The following MYH11 variants were observed in gnomAD, a reference collection of about 807,000 sequenced individuals.
MYH11 encodes myosin heavy chain 11.
In MYH11, 80 loss-of-function variants were observed where a neutral mutation model predicts 246.6. The ratio of observed to expected loss-of-function variants is 0.32; its 90% CI spans 0.27 to 0.39. The LOEUF (loss-of-function observed/expected upper bound fraction) is 0.39, where lower values mean the gene tolerates loss of function less well. MYH11 is among the 10% of genes least tolerant of loss of function. The probability of loss-of-function intolerance (pLI) is 1.00; values close to 1 mark genes in which losing one functional copy is unlikely to be tolerated. For missense variants in MYH11, 2,158 were observed against 2,546.8 expected, an observed-to-expected ratio of 0.85 and a Z score of 3.29; for synonymous variants, 1,071 against 1,015.5, an observed-to-expected ratio of 1.05 and a Z score of -1.04.
chr16:15,773,955 G>A (rs763360073), intron 8 of MYH11, among the ~76,000 whole-genome samples: 4 of 151,600 alleles, frequency 2.6e-5, no homozygotes, highest in Non-Finnish European at 5.9e-5. Flanking sequence ...TGCACCATTT[G>A]CTTTTATTAT....
At position 15,741,474 on chromosome 16, in the gene MYH11, G is replaced by C. The variant is rs2041269564; in HGVS notation, c.2848C>G (p.Gln950Glu). The change falls in exon 22 of 41, where the codon CAG becomes GAG. Residue 950 changes from glutamine to glutamate, a missense_variant. Physicochemically the swap from Gln to Glu is conservative, Grantham distance 29 (BLOSUM62 2). Transcript: ENST00000300036. ...CTGTGACACCTTACCAGCATCTGCT[G>C]GGCCATCTTCTTCCTTTCAGCCTGT... Reference protein sequence around the residue: ...QLQAERKKMAQQMLDLEEQLE... With the variant: ...QLQAERKKMAEQMLDLEEQLE... 6.2e-7 allele frequency: 1 copy of C among 1,608,102 alleles called. No individual in the cohort carries two copies. The highest frequency in any genetic ancestry group is 8.5e-7 in the Non-Finnish European group (1 of 1,179,988).
rs34839877 is a variant in MYH11, at chr16:15,718,452, G to A, written c.5172-14C>T. The A allele has an allele frequency of 0.031, 48,345 of 1,547,344 alleles. 1,101 individuals carry two copies. Among genetic ancestry groups the A allele is most frequent in the South Asian group, 0.085 (7,327 of 86,262 alleles). On this transcript the variant is annotated splice_polypyrimidine_tract_variant and intron_variant, in intron 36 of 40. Transcript: ENST00000300036. Reference sequence around the variant, plus strand: ...TGGAGTGCGTTCCTGGGGGAAGGGCGGCCATGGTGGGGGCCTCTACCCTCC... The same window carrying A: ...TGGAGTGCGTTCCTGGGGGAAGGGCAGCCATGGTGGGGGCCTCTACCCTCC...
intron 3 of MYH11, among the ~76,000 whole-genome samples, chr16:15,808,858 G>A (rs9284324): frequency 0.43 from 64,721 of 151,930 alleles, 16,491 homozygotes; most frequent in African/African-American, 0.73. Context: ...GTGCCACTGC[G>A]CTCTAGCTTG....
At chr16:15,746,913 CTT>C (rs1382652529) in intron 19 of MYH11, among the ~76,000 whole-genome samples, 1 of 152,120 alleles carries the variant, frequency 6.6e-6, no homozygotes, top group African/African-American at 2.4e-5. Context: ...CATGGTGAAA[CTT>C]TGTCTCTACT....
At chr16:15,749,963 C>G in intron 16 of MYH11, 175 bp downstream of exon 16, 1 of 770,136 alleles carries the variant, frequency 1.3e-6, no homozygotes, top group East Asian at 2.6e-5. Flanking sequence ...GATGCATCCT[C>G]CCTTCCTCCT....
At chr16:15,717,398 A>G in intron 37 of MYH11, 50 bp from the exon 38 acceptor site, 1 of 1,585,404 alleles carries the variant, frequency 6.3e-7, no homozygotes, top group Non-Finnish European at 8.6e-7. Flanking sequence ...AGCCCAAGAG[A>G]GCGCACTGAG....
intron 2 of MYH11, among the ~76,000 whole-genome samples, chr16:15,826,183 G>C (rs553986336): frequency 2.1e-3 from 312 of 150,634 alleles, no homozygotes; most frequent in African/African-American, 7.3e-3. Context: ...CATTCATTCT[G>C]TACGTCCCAG....
At chr16:15,745,720 T>C (rs551064481) in intron 19 of MYH11, among the ~76,000 whole-genome samples, 129 of 151,912 alleles carry the variant, frequency 8.5e-4, no homozygotes, top group African/African-American at 3.0e-3. Context: ...CCTGAGTAGC[T>C]TGGATTACAG....
At chr16:15,755,431 A>G (rs2041686004) in intron 14 of MYH11, among the ~76,000 whole-genome samples, 1 of 152,180 alleles carries the variant, frequency 6.6e-6, no homozygotes. Context: ...TAGTCACCCC[A>G]TTCCAGTTGG....
At chr16:15,760,319 A>AT (rs2041839153) in intron 11 of MYH11, among the ~76,000 whole-genome samples, 1 of 151,828 alleles carries the variant, frequency 6.6e-6, no homozygotes, top group Non-Finnish European at 1.5e-5. Flanking sequence ...GGATGGAGAG[A>AT]TGATGGGTGA....
At chr16:15,719,185 G>C in intron 36 of MYH11, 35 bp downstream of exon 36, 1 of 1,598,948 alleles carries the variant, frequency 6.3e-7, no homozygotes, top group South Asian at 1.1e-5. Flanking sequence ...CCCATCCTCT[G>C]CTTCAGAGCC....
intron 6 of MYH11, chr16:15,779,067 C>T (rs1288953216): frequency 4.7e-6 from 3 of 640,518 alleles, no homozygotes; most frequent in Non-Finnish European, 8.5e-6. Flanking sequence ...AACATGTTCA[C>T]AGATCAATTT....
chr16:15,830,921 C>T (rs929864607), intron 2 of MYH11, among the ~76,000 whole-genome samples: 6 of 150,860 alleles, frequency 4.0e-5, no homozygotes, highest in African/African-American at 1.2e-4. Flanking sequence ...CCTGTAATCC[C>T]AGCACCTTGG....
intron 40 of MYH11, chr16:15,711,004 TCTC>T (rs1416890778): frequency 2.6e-5 from 4 of 152,322 alleles, no homozygotes; most frequent in African/African-American, 7.2e-5. Context: ...TGAGAACAGC[TCTC>T]CTCCACTGAC....
intron 1 of MYH11, among the ~76,000 whole-genome samples, chr16:15,850,094 A>T (rs559882575): frequency 6.6e-6 from 1 of 152,348 alleles, no homozygotes; most frequent in Non-Finnish European, 1.5e-5. Flanking sequence ...ATTAATAAAA[A>T]GTAAATTAGG....
In MYH11 at chr16:15,710,053, T is replaced by C. The variant is rs758900769; in HGVS notation, c.5786+4856A>G. ...CTCAGGGCTCTAGTGCCTGATTTTA[T>C]GTTTTTGTGCACCCAAAAGATGCAG... On this transcript the variant is annotated intron_variant, in intron 40 of 40. Coordinates refer to ENST00000300036, the MANE Select transcript of MYH11 (RefSeq NM_002474.3). Among the ~76,000 whole-genome samples, 34 of 152,338 alleles carry C rather than the reference T, an allele frequency of 2.2e-4. No homozygotes were observed. In the East Asian group the frequency reaches 2.7e-3, roughly 12 times the overall value.
intron 6 of MYH11, among the ~76,000 whole-genome samples, chr16:15,780,943 T>G (rs1379323221): frequency 6.6e-6 from 1 of 152,234 alleles, no homozygotes. Context: ...GCCAACATCA[T>G]CAGTGCCTGA....
intron 10 of MYH11, among the ~76,000 whole-genome samples, chr16:15,761,627 C>T (rs12922795): frequency 0.031 from 4,728 of 152,190 alleles, 171 homozygotes; most frequent in East Asian, 0.11. Flanking sequence ...GGTGTGACCA[C>T]GAGCTGGTCC....
At position 15,753,451 on chromosome 16, in the gene MYH11, C is replaced by T. The variant is rs747024997; in HGVS notation, c.1807G>A (p.Val603Met). The change falls in exon 15 of 41, where the codon GTG becomes ATG. Residue 603 changes from valine to methionine, a missense_variant. Physicochemically the swap from Val to Met is conservative, Grantham distance 21. Coordinates refer to ENST00000300036, the MANE Select transcript of MYH11 (RefSeq NM_002474.3). ...GAGGAGGCATTGAGCAGGGAAGTCA[C>T]GTTGTCATTCAGCGGGTCCATATTC... ...TKNMDPLNDNVTSLLNASSDK... is the reference protein window; with the variant it reads ...TKNMDPLNDNMTSLLNASSDK... 17 of 1,614,004 alleles carry T rather than the reference C, an allele frequency of 1.1e-5. No homozygotes were observed. The highest frequency in any genetic ancestry group is 2.2e-5 in the South Asian group (2 of 91,076).
Sources: allele counts gnomAD v4.1 joint callset (sites outside exome capture counted in the v4.1 genomes callset), GRCh38; gene constraint gnomAD v4.1.1; transcripts MANE v1.5; gene names NCBI Gene and HGNC (gene_info 2026-07-23, HGNC 2026-07-21).